Variants in PAK6 observed in about 807,000 individuals in gnomAD.
The protein encoded by PAK6 is p21 (RAC1) activated kinase 6.
A neutral mutation model predicts 60.8 loss-of-function variants in PAK6; 33 were observed. That is an observed-to-expected ratio of 0.54 (90% CI 0.41 to 0.73). PAK6 has a LOEUF of 0.73. Ranked by LOEUF, PAK6 falls within the 30% of genes least tolerant of loss-of-function variation. The pLI, the probability that PAK6 is intolerant of heterozygous loss-of-function variation, is 0.00. For missense variants in PAK6, 845 were observed against 904.1 expected (o/e 0.93, Z 0.84); for synonymous variants, 404 against 378.5 (o/e 1.07, Z -0.78).
chr15:40,260,860 T>C (rs559447268), intron 3 of PAK6, among the ~76,000 whole-genome samples: 55 of 151,864 alleles, frequency 3.6e-4, no homozygotes, highest in Non-Finnish European at 7.2e-4. Context: ...ATATTTTGTA[T>C]TTTTAATGTA....
At chr15:40,276,343 G>A in exon 11 of PAK6, 1 of 513,008 alleles carries the variant, frequency 1.9e-6, no homozygotes, top group Non-Finnish European at 3.5e-6. Context: ...TTTGCACAGG[G>A]ATATTTCTAA....
At position 40,252,890 on chromosome 15, in the gene PAK6, C is replaced by T. The variant is rs777920359; in HGVS notation, c.-117-288C>T. On this transcript the variant is annotated intron_variant, in intron 2 of 10. Coordinates refer to ENST00000560346, the Ensembl canonical transcript of PAK6. ...GGGCGCCCGCCCGGCGCGGGGCATTCGCGTCCCCGAGAGGGCGCAGCAGTG... is the reference window on the plus strand; with the variant it reads ...GGGCGCCCGCCCGGCGCGGGGCATTTGCGTCCCCGAGAGGGCGCAGCAGTG... 17 of 1,222,762 alleles carry T rather than the reference C, an allele frequency of 1.4e-5. No individual in the cohort carries two copies. The African/African-American group carries it at 2.3e-4, about 17-fold the overall frequency. The allele number at this position is 1,222,762 out of a possible 1,614,324, so 75.7% of individuals were successfully genotyped here. A position where few individuals can be genotyped will look rare whatever the true frequency, so the allele number is the denominator to read the frequency against.
intron 2 of PAK6, among the ~76,000 whole-genome samples, chr15:40,241,240 G>A (rs1467691076): frequency 6.6e-6 from 1 of 152,158 alleles, no homozygotes; most frequent in African/African-American, 2.4e-5. Flanking sequence ...CAGTGAGCTC[G>A]GGTTTATAAA....
intron 5 of PAK6, among the ~76,000 whole-genome samples, chr15:40,270,174 C>A (rs1438250776): frequency 2.0e-5 from 3 of 152,258 alleles, no homozygotes; most frequent in Admixed American, 1.3e-4. Context: ...AGCCCTGCCC[C>A]ACTTCCCTCC....
intron 5 of PAK6, among the ~76,000 whole-genome samples, chr15:40,270,267 A>C (rs1220979034): frequency 6.6e-6 from 1 of 150,816 alleles, no homozygotes; most frequent in Non-Finnish European, 1.5e-5. Flanking sequence ...TGCGCCCTCC[A>C]CCCCCCTCAC....
At chr15:40,253,267 G>C in exon 3 of PAK6, 1 of 455,962 alleles carries the variant, frequency 2.2e-6, no homozygotes, top group South Asian at 1.5e-5. Flanking sequence ...GAGTCGCGAG[G>C]AAGAGGCGGA....
intron 5 of PAK6, among the ~76,000 whole-genome samples, chr15:40,267,381 C>G (rs1028313288): frequency 6.6e-6 from 1 of 152,136 alleles, no homozygotes; most frequent in Non-Finnish European, 1.5e-5. Context: ...TGGGCGGCCG[C>G]GCGTGGTGGC....
chr15:40,276,789 T>TGTGTGTGTGTGTGG (rs67205800), exon 11 of PAK6: 1 of 146,162 alleles, frequency 6.8e-6, no homozygotes, highest in Non-Finnish European at 1.5e-5. Flanking sequence ...TGTGTGTGTG[T>TGTGTGTGTGTGTGG]AAGGGGAGGA....
At position 40,272,258 on chromosome 15, in the gene PAK6, AC is replaced by A. The variant is rs1343040404; in HGVS notation, c.899del (p.Pro300GlnfsTer22). 16 of 1,610,536 alleles carry A rather than the reference AC, an allele frequency of 9.9e-6. No individual in the cohort carries two copies. Among genetic ancestry groups the A allele is most frequent in the Non-Finnish European group, 1.3e-5 (15 of 1,178,100 alleles). On this transcript the variant is annotated frameshift_variant, in exon 6 of 11. Transcript: ENST00000560346. LOFTEE classifies it high-confidence loss of function. ...TCTTTCCGACCGCCGCAGAAAGACA[AC>A]CCCCCAAGCCTGGTGGCCAAGGCCC...
chr15:40,257,939 C>A (rs2038882991), intron 3 of PAK6, among the ~76,000 whole-genome samples: 1 of 152,196 alleles, frequency 6.6e-6, no homozygotes, highest in Admixed American at 6.5e-5. Flanking sequence ...TCAAGCCAAG[C>A]CTGTGGGTCG....
intron 2 of PAK6, among the ~76,000 whole-genome samples, chr15:40,249,352 T>C (rs1043206619): frequency 6.6e-6 from 1 of 152,216 alleles, no homozygotes; most frequent in Non-Finnish European, 1.5e-5. Flanking sequence ...GCAGTAATTA[T>C]GAGACCTTCA....
At chr15:40,264,403 C>G (rs1595589914) in intron 3 of PAK6, 1 of 465,756 alleles carries the variant, frequency 2.1e-6, no homozygotes. Context: ...AGCTTGCTAA[C>G]TTTCCTCCCT....
chr15:40,248,186 G>A (rs936830236), intron 2 of PAK6, among the ~76,000 whole-genome samples: 1 of 152,138 alleles, frequency 6.6e-6, no homozygotes, highest in Non-Finnish European at 1.5e-5. Flanking sequence ...CCTGCCTGGG[G>A]ACCCCAAGGG....
chr15:40,265,694 AAATT>A, intron 4 of PAK6, 144 bp from the exon 5 acceptor site: 2 of 651,064 alleles, frequency 3.1e-6, no homozygotes, highest in Non-Finnish European at 4.8e-6. Context: ...AATTATGGAA[AAATT>A]AATGGGTGGA....
At chr15:40,273,137 AG>A in intron 7 of PAK6, 138 bp downstream of exon 7, 2 of 1,248,536 alleles carry the variant, frequency 1.6e-6, no homozygotes, top group Non-Finnish European at 1.1e-6. Context: ...ACTGAGACCC[AG>A]GGGTCTTGGG....
At chr15:40,243,081 G>C (rs1005931123) in intron 2 of PAK6, among the ~76,000 whole-genome samples, 1 of 152,184 alleles carries the variant, frequency 6.6e-6, no homozygotes, top group African/African-American at 2.4e-5. Context: ...GCCAACTCTG[G>C]GTCCAACTCA....
chr15:40,273,292 G>C (rs188981352), intron 7 of PAK6, 54 bp from the exon 8 acceptor site: 1 of 1,590,396 alleles, frequency 6.3e-7, no homozygotes, highest in African/African-American at 1.3e-5. Flanking sequence ...GCCACCCCAC[G>C]ACCTGCCAGA....
chr15:40,241,118 C>G (rs924962661), intron 2 of PAK6, among the ~76,000 whole-genome samples: 2 of 152,204 alleles, frequency 1.3e-5, no homozygotes, highest in Non-Finnish European at 2.9e-5. Flanking sequence ...AACTCAGCAT[C>G]AGGGCAGGTT....
rs549329294 is a variant in PAK6 at position 40,276,153 on chromosome 15, C to A, written c.*59C>A. The A allele has an allele frequency of 2.3e-5, 36 of 1,542,524 alleles. No individual in the cohort carries two copies. In the South Asian group the frequency reaches 3.9e-4, roughly 17 times the overall value. Reference sequence around the variant, plus strand: ...CAGGCAGGGCACACTGGGCAGCCAGCCTGCCGGCAGGACTTGCCTGCCTCC... The same window carrying A: ...CAGGCAGGGCACACTGGGCAGCCAGACTGCCGGCAGGACTTGCCTGCCTCC... On this transcript the variant is annotated 3_prime_UTR_variant, in exon 11 of 11. Transcript: ENST00000560346.
Sources: gnomAD v4.1 joint callset for allele counts (sites outside exome capture counted in the v4.1 genomes callset) on GRCh38, gnomAD v4.1.1 for gene constraint, MANE v1.5 for transcripts, NCBI Gene and HGNC (gene_info 2026-07-23, HGNC 2026-07-21) for gene names.